The following ADAMTS14 variants were observed in gnomAD, a reference collection of about 807,000 sequenced individuals.
ADAMTS14 encodes A disintegrin and metalloproteinase with thrombospondin motifs 14.
ADAMTS14 carries 100 observed loss-of-function variants against 128.6 expected under a neutral mutation model. The ratio of observed to expected loss-of-function variants is 0.78; its 90% CI spans 0.66 to 0.92. The LOEUF is 0.92. Ranked by LOEUF, ADAMTS14 falls within the 40% of genes least tolerant of loss-of-function variation. The probability of loss-of-function intolerance (pLI) is 0.00; values close to 1 mark genes in which losing one functional copy is unlikely to be tolerated. For missense variants in ADAMTS14, 1,562 were observed against 1,658.6 expected (o/e 0.94, Z 1.01); for synonymous variants, 665 against 653.8 (o/e 1.02, Z -0.26).
intron 15 of ADAMTS14, among the ~76,000 whole-genome samples, chr10:70,749,608 A>AGTGAGTGTGT (rs1554823170): frequency 6.8e-6 from 1 of 147,764 alleles, no homozygotes; most frequent in Non-Finnish European, 1.5e-5. Flanking sequence ...AGGCAGCAAG[A>AGTGAGTGTGT]GTGTGTGTGT....
intron 14 of ADAMTS14, 67 bp from the exon 15 acceptor site, chr10:70,745,159 G>T: frequency 6.8e-7 from 1 of 1,476,420 alleles, no homozygotes; most frequent in South Asian, 1.2e-5. Context: ...TGAGGGAGTG[G>T]GGGACGCTGG....
chr10:70,686,936 C>T, intron 2 of ADAMTS14, among the ~76,000 whole-genome samples: 1 of 98,376 alleles, frequency 1.0e-5, no homozygotes, highest in Non-Finnish European at 2.3e-5. Context: ...GGGGCTGACA[C>T]CCCCACCTCC....
intron 10 of ADAMTS14, among the ~76,000 whole-genome samples, chr10:70,737,314 C>T (rs528988036): frequency 4.6e-5 from 7 of 152,188 alleles, no homozygotes; most frequent in Admixed American, 6.5e-5. Context: ...TTCATTTGCC[C>T]GGGGGACCCC....
intron 2 of ADAMTS14, among the ~76,000 whole-genome samples, chr10:70,696,562 G>A (rs1179279885): frequency 2.0e-5 from 3 of 152,130 alleles, no homozygotes; most frequent in Non-Finnish European, 4.4e-5. Flanking sequence ...AGCTTCCCTG[G>A]GACAGCAGGA....
chr10:70,733,794 A>T, intron 7 of ADAMTS14, 91 bp from the exon 8 acceptor site: 1 of 1,504,904 alleles, frequency 6.6e-7, no homozygotes, highest in Non-Finnish European at 9.0e-7. Flanking sequence ...GGGTCAGGTC[A>T]GGGTCTCCTG....
At chr10:70,683,091 C>CT (rs1839862390) in intron 2 of ADAMTS14, among the ~76,000 whole-genome samples, 1 of 152,264 alleles carries the variant, frequency 6.6e-6, no homozygotes, top group Non-Finnish European at 1.5e-5. Flanking sequence ...CCTCCTGCGC[C>CT]CTGGCAGGCC....
intron 2 of ADAMTS14, among the ~76,000 whole-genome samples, chr10:70,685,334 C>T (rs1839923219): frequency 6.6e-6 from 1 of 152,198 alleles, no homozygotes. Flanking sequence ...AAAACAACAA[C>T]AGTGATAATA....
At chr10:70,756,276 A>G (rs920213244) in intron 19 of ADAMTS14, among the ~76,000 whole-genome samples, 2 of 152,196 alleles carry the variant, frequency 1.3e-5, no homozygotes, top group African/African-American at 2.4e-5. Flanking sequence ...ACTTTTCTGT[A>G]TTTTGAAATA....
At chr10:70,730,310 C>A in intron 6 of ADAMTS14, 61 bp downstream of exon 6, 1 of 1,560,354 alleles carries the variant, frequency 6.4e-7, no homozygotes, top group Non-Finnish European at 8.7e-7. Flanking sequence ...CAGACAGAGG[C>A]TGGGCCTGGA....
intron 2 of ADAMTS14, among the ~76,000 whole-genome samples, chr10:70,699,968 C>T (rs542373142): frequency 6.6e-6 from 1 of 152,146 alleles, no homozygotes; most frequent in East Asian, 2.0e-4. Context: ...CTCATGCTGT[C>T]TCCTGCTTGC....
At chr10:70,726,435 G>T (rs1293574897) in intron 4 of ADAMTS14, among the ~76,000 whole-genome samples, 2 of 152,260 alleles carry the variant, frequency 1.3e-5, no homozygotes, top group Non-Finnish European at 2.9e-5. Context: ...CAGAGGCCCA[G>T]CAGATGCCCC....
intron 6 of ADAMTS14, among the ~76,000 whole-genome samples, chr10:70,730,649 T>C (rs1335525441): frequency 1.3e-5 from 2 of 152,146 alleles, no homozygotes; most frequent in Non-Finnish European, 2.9e-5. Context: ...AAGTCTGTGC[T>C]CTGCCTCCAG....
chr10:70,685,983 A>T (rs571457202), intron 2 of ADAMTS14, among the ~76,000 whole-genome samples: 1 of 152,342 alleles, frequency 6.6e-6, no homozygotes, highest in African/African-American at 2.4e-5. Flanking sequence ...TTGATGCTCA[A>T]ACGGAACCTT....
At chr10:70,692,134 G>A (rs1167363248) in intron 2 of ADAMTS14, among the ~76,000 whole-genome samples, 2 of 152,086 alleles carry the variant, frequency 1.3e-5, no homozygotes, top group African/African-American at 2.4e-5. Context: ...GGAGGTCGCC[G>A]TAGTTTTGTA....
intron 15 of ADAMTS14, among the ~76,000 whole-genome samples, chr10:70,746,430 G>A (rs1446774648): frequency 6.6e-6 from 1 of 152,224 alleles, no homozygotes; most frequent in African/African-American, 2.4e-5. Flanking sequence ...GGGAAGGAAA[G>A]AGGCATGACG....
At chr10:70,677,805 T>C (rs1011724359) in intron 2 of ADAMTS14, among the ~76,000 whole-genome samples, 1 of 152,214 alleles carries the variant, frequency 6.6e-6, no homozygotes, top group African/African-American at 2.4e-5. Context: ...GAAATGGCCC[T>C]GTGTCCCGTG....
Position 70,738,914 on chromosome 10 carries a change from T to A in ADAMTS14, c.1672T>A (p.Trp558Arg). 6.2e-7 allele frequency: 1 copy of A among 1,614,028 alleles called. No homozygotes were observed. The highest frequency in any genetic ancestry group is 1.1e-5 in the South Asian group (1 of 91,074). Residue 558 changes from tryptophan (W) to arginine (R), a missense_variant, in exon 11 of 22, where the codon TGG (tryptophan) becomes AGG (arginine). Transcript: ENST00000373207. ...TYGQDGGWSS[W>R]TKFGSCSRSC... is the part of the protein sequence containing the mutation. ...TGGCCAGGATGGAGGCTGGAGCTCC[T>A]GGACCAAGTTTGGGTCATGTTCGCG...
chr10:70,711,199 C>G (rs147328335), intron 4 of ADAMTS14, among the ~76,000 whole-genome samples: 1 of 152,358 alleles, frequency 6.6e-6, no homozygotes, highest in East Asian at 1.9e-4. Flanking sequence ...CTGTGACATG[C>G]TGATTCTCTC....
chr10:70,673,452 A>G (rs2132518585), intron 1 of ADAMTS14, among the ~76,000 whole-genome samples: 1 of 151,490 alleles, frequency 6.6e-6, no homozygotes, highest in East Asian at 1.9e-4. Flanking sequence ...GACCAGATAC[A>G]CTCCACTCCC....
Sources: allele counts gnomAD v4.1 joint callset (sites outside exome capture counted in the v4.1 genomes callset), GRCh38; gene constraint gnomAD v4.1.1; transcripts MANE v1.5; gene names NCBI Gene and HGNC (gene_info 2026-07-23, HGNC 2026-07-21).